The following NKAIN3 variants were observed in gnomAD, a reference collection of about 807,000 sequenced individuals.
NKAIN3 encodes the protein sodium/potassium transporting ATPase interacting 3, also known as sodium/potassium-transporting ATPase subunit beta-1-interacting protein 3.
In NKAIN3, 25 loss-of-function variants were observed where a neutral mutation model predicts 30.2. That is an observed-to-expected ratio of 0.83 (90% CI 0.60 to 1.16). The LOEUF is 1.16. NKAIN3 is among the 50% of genes most tolerant of loss of function. NKAIN3 has a pLI of 0.00. For synonymous variants in NKAIN3, 91 were observed against 89.6 expected, an observed-to-expected ratio of 1.02 and a Z score of -0.09; for missense variants, 225 against 254.1, an observed-to-expected ratio of 0.89 and a Z score of 0.78.
intron 4 of NKAIN3, among the ~76,000 whole-genome samples, chr8:62,793,206 A>G (rs781602818): frequency 3.3e-5 from 5 of 152,012 alleles, no homozygotes; most frequent in Admixed American, 1.3e-4. Flanking sequence ...GGGAAAAAAA[A>G]AAGCACTCCC....
At chr8:62,889,655 A>G (rs1821245318) in intron 4 of NKAIN3, among the ~76,000 whole-genome samples, 1 of 152,204 alleles carries the variant, frequency 6.6e-6, no homozygotes, top group African/African-American at 2.4e-5. Context: ...TTGTAAGTTG[A>G]GAAAAACTAG....
chr8:62,800,788 A>G (rs191672790), intron 4 of NKAIN3, among the ~76,000 whole-genome samples: 194 of 151,838 alleles, frequency 1.3e-3, no homozygotes, highest in African/African-American at 4.5e-3. Flanking sequence ...GCAGTGCACC[A>G]TGCGCAAGCT....
intron 1 of NKAIN3, among the ~76,000 whole-genome samples, chr8:62,383,135 G>C (rs1817326400): frequency 6.6e-6 from 1 of 152,038 alleles, no homozygotes; most frequent in Admixed American, 6.6e-5. Flanking sequence ...AAGGGTTTTG[G>C]GCAGCCAGGG....
At chr8:62,355,763 G>A (rs932263305) in intron 1 of NKAIN3, among the ~76,000 whole-genome samples, 2 of 152,094 alleles carry the variant, frequency 1.3e-5, no homozygotes, top group Non-Finnish European at 2.9e-5. Context: ...ATGCATTTGC[G>A]ACATTTAGAG....
At chr8:62,270,035 T>C (rs759413794) in intron 1 of NKAIN3, among the ~76,000 whole-genome samples, 2 of 152,080 alleles carry the variant, frequency 1.3e-5, no homozygotes, top group Non-Finnish European at 2.9e-5. Context: ...TCCTTATTAT[T>C]ATTATTATTA....
chr8:62,494,582 A>T (rs1349985609), intron 1 of NKAIN3, among the ~76,000 whole-genome samples: 1 of 152,096 alleles, frequency 6.6e-6, no homozygotes, highest in African/African-American at 2.4e-5. Context: ...GAATAGTTTC[A>T]GTAGGAATGC....
chr8:62,765,998 C>A (rs1816824736), intron 4 of NKAIN3, among the ~76,000 whole-genome samples: 1 of 152,054 alleles, frequency 6.6e-6, no homozygotes, highest in African/African-American at 2.4e-5. Context: ...TTGCAAATTA[C>A]TTGAATCTTT....
chr8:62,512,911 C>A (rs1807859947), intron 1 of NKAIN3, among the ~76,000 whole-genome samples: 1 of 152,062 alleles, frequency 6.6e-6, no homozygotes. Context: ...AAATGACTGT[C>A]CTCCCAACAA....
chr8:62,600,799 C>G (rs1425106742), intron 3 of NKAIN3, among the ~76,000 whole-genome samples: 1 of 151,994 alleles, frequency 6.6e-6, no homozygotes, highest in Non-Finnish European at 1.5e-5. Context: ...CATGAGGGTC[C>G]TCTTTTTAAA....
At chr8:62,369,930 TC>T (rs1816856392) in intron 1 of NKAIN3, among the ~76,000 whole-genome samples, 2 of 151,920 alleles carry the variant, frequency 1.3e-5, no homozygotes, top group African/African-American at 4.8e-5. Context: ...AAAAAAAAAG[TC>T]TTAAAGAACT....
intron 3 of NKAIN3, among the ~76,000 whole-genome samples, chr8:62,728,553 A>AGGG (rs1815334821): frequency 1.9e-5 from 1 of 52,948 alleles, no homozygotes; most frequent in Admixed American, 2.3e-4. Context: ...AATCCCAGCT[A>AGGG]CTCAGGAGGG....
chr8:62,799,522 C>T (rs545717649), intron 4 of NKAIN3, among the ~76,000 whole-genome samples: 1 of 152,140 alleles, frequency 6.6e-6, no homozygotes, highest in South Asian at 2.1e-4. Context: ...CAAGAATGGA[C>T]ATAATCAAAA....
intron 3 of NKAIN3, among the ~76,000 whole-genome samples, chr8:62,594,091 T>C (rs906223355): frequency 1.3e-5 from 2 of 151,944 alleles, no homozygotes; most frequent in Admixed American, 6.6e-5. Flanking sequence ...TAAAAAAACT[T>C]TGGGGTTTTT....
intron 3 of NKAIN3, among the ~76,000 whole-genome samples, chr8:62,617,874 A>G (rs936370415): frequency 2.0e-5 from 3 of 152,218 alleles, no homozygotes; most frequent in African/African-American, 7.2e-5. Context: ...AGGGAAGGCT[A>G]AGACATGAGA....
At chr8:62,728,218 GA>G (rs1447786550) in intron 3 of NKAIN3, among the ~76,000 whole-genome samples, 1 of 151,924 alleles carries the variant, frequency 6.6e-6, no homozygotes, top group Non-Finnish European at 1.5e-5. Context: ...GATCATCAGA[GA>G]AAGTCTAGAT....
intron 1 of NKAIN3, among the ~76,000 whole-genome samples, chr8:62,557,660 G>A (rs1202493024): frequency 2.0e-5 from 3 of 152,102 alleles, no homozygotes; most frequent in Admixed American, 2.0e-4. Flanking sequence ...GATCATTAGT[G>A]ATGTTGAGCA....
rs1819855971 is a variant in NKAIN3, at chr8:62,850,405, T to G, written c.472-68048T>G. Among the ~76,000 whole-genome samples the G allele has an allele frequency of 2.0e-5, 3 of 152,120 alleles. No homozygotes were observed. The South Asian group carries it at 6.2e-4, about 31-fold the overall frequency. On this transcript the variant is annotated intron_variant, in intron 4 of 6. Transcript: ENST00000623646. The stretch of plus-strand genomic sequence containing the variant: ...AAAAATTTTCTCCCATTCTGTAGGC[T>G]GCCTGTTCACTCTGATGGTAGTTTC...
intron 4 of NKAIN3, among the ~76,000 whole-genome samples, chr8:62,875,105 C>A: frequency 6.6e-6 from 1 of 152,128 alleles, no homozygotes; most frequent in East Asian, 1.9e-4. Flanking sequence ...ACTCCTTGAA[C>A]TGATAAGCAA....
At chr8:62,358,093 G>T (rs1017417563) in intron 1 of NKAIN3, among the ~76,000 whole-genome samples, 8 of 152,018 alleles carry the variant, frequency 5.3e-5, no homozygotes, top group Admixed American at 3.9e-4. Flanking sequence ...AGCGGCATAA[G>T]GTATGCCTAA....
Sources: allele counts gnomAD v4.1 joint callset (sites outside exome capture counted in the v4.1 genomes callset), GRCh38; gene constraint gnomAD v4.1.1; transcripts MANE v1.5; gene names NCBI Gene and HGNC (gene_info 2026-07-23, HGNC 2026-07-21).